STK3: variants seen among roughly 807,000 people sequenced by gnomAD.
The protein encoded by STK3 is serine/threonine kinase 3.
In STK3, 41 loss-of-function variants were observed where a neutral mutation model predicts 58.0. That is an observed-to-expected ratio of 0.71 (90% CI 0.55 to 0.92). The LOEUF (loss-of-function observed/expected upper bound fraction) is 0.92. Ranked by LOEUF, STK3 falls within the 40% of genes least tolerant of loss-of-function variation. The pLI is 0.00. For synonymous variants in STK3, 170 were observed against 191.0 expected, an observed-to-expected ratio of 0.89 and a Z score of 0.91; for missense variants, 479 against 602.7, an observed-to-expected ratio of 0.79 and a Z score of 2.15.
At chr8:98,423,200 T>C (rs1045140512) in intron 3 of STK3, among the ~76,000 whole-genome samples, 1 of 152,212 alleles carries the variant, frequency 6.6e-6, no homozygotes, top group African/African-American at 2.4e-5. Context: ...CAATCCTGTA[T>C]TCAATAACTA....
At chr8:98,690,039 A>G (rs1477199776) in intron 6 of STK3, among the ~76,000 whole-genome samples, 12 of 152,260 alleles carry the variant, frequency 7.9e-5, no homozygotes, top group Non-Finnish European at 8.8e-5. Flanking sequence ...TCAAAGGAAC[A>G]TACCTTAACA....
At chr8:98,370,088 ATT>A (rs5893462), downstream of STK3, among the ~76,000 whole-genome samples, 1,565 of 127,616 alleles carry the variant, frequency 0.012, 15 homozygotes, top group East Asian at 0.021. Context: ...TGGGATTTTG[ATT>A]TTTTTTTTTT....
At chr8:98,597,783 A>T (rs1197463464) in intron 6 of STK3, 4 of 985,192 alleles carry the variant, frequency 4.1e-6, no homozygotes, top group Middle Eastern at 5.2e-4. Context: ...AAAATAGGAT[A>T]CATATCTCAG....
At chr8:98,783,711 G>C (rs1832269083) in intron 1 of STK3, among the ~76,000 whole-genome samples, 1 of 152,136 alleles carries the variant, frequency 6.6e-6, no homozygotes, top group African/African-American at 2.4e-5. Context: ...TTCAAAATTG[G>C]AATCAATCCT....
intron 2 of STK3, among the ~76,000 whole-genome samples, chr8:98,436,060 A>G (rs1818473705): frequency 6.6e-6 from 1 of 151,966 alleles, no homozygotes; most frequent in Non-Finnish European, 1.5e-5. Context: ...GTGCTTTCCT[A>G]ATAGCCAAAT....
At chr8:98,868,909 C>G (rs989032852) in intron 3 of STK3, among the ~76,000 whole-genome samples, 1 of 150,648 alleles carries the variant, frequency 6.6e-6, no homozygotes, top group East Asian at 2.0e-4. Context: ...CCTGGGAGGT[C>G]AAGCCTGTAG....
chr8:98,901,270 T>G (rs1366850458), intron 1 of STK3, among the ~76,000 whole-genome samples: 1 of 152,262 alleles, frequency 6.6e-6, no homozygotes, highest in Non-Finnish European at 1.5e-5. Context: ...TTGTGAAGAT[T>G]AAGTGAGGTA....
intron 10 of STK3, among the ~76,000 whole-genome samples, chr8:98,507,368 C>T (rs28651656): frequency 0.029 from 4,472 of 152,202 alleles, 215 homozygotes; most frequent in African/African-American, 0.098. Flanking sequence ...GGAATTATCC[C>T]GGATCTTTCA....
intron 10 of STK3, among the ~76,000 whole-genome samples, chr8:98,504,373 C>T (rs890168840): frequency 6.6e-6 from 1 of 152,148 alleles, no homozygotes; most frequent in Non-Finnish European, 1.5e-5. Flanking sequence ...TTAATTGGGG[C>T]ATTTAGCCCA....
At chr8:98,353,188 C>T in the STK3 span, among the ~76,000 whole-genome samples, 3 of 152,102 alleles carry the variant, frequency 2.0e-5, no homozygotes, top group East Asian at 3.9e-4. Flanking sequence ...GTATATGAAA[C>T]ATAGGTTGGG....
intron 3 of STK3, among the ~76,000 whole-genome samples, chr8:98,832,509 T>C (rs1329383354): frequency 6.6e-6 from 1 of 151,942 alleles, no homozygotes; most frequent in Non-Finnish European, 1.5e-5. Flanking sequence ...TGCTGGTCAG[T>C]TGTATTGTCA....
At chr8:98,880,995 T>A (rs1837770129), downstream of STK3, 1 of 152,204 alleles carries the variant, frequency 6.6e-6, no homozygotes, top group African/African-American at 2.4e-5. Flanking sequence ...AACTTATGAC[T>A]AACCCAAAAC....
At chr8:98,493,799 T>G (rs1032409021) in intron 10 of STK3, among the ~76,000 whole-genome samples, 3 of 152,194 alleles carry the variant, frequency 2.0e-5, no homozygotes, top group Non-Finnish European at 4.4e-5. Context: ...AATGAATTCA[T>G]CATATTCCAC....
At chr8:98,447,255 AAAG>A (rs1359529447) in intron 1 of STK3, among the ~76,000 whole-genome samples, 4 of 152,118 alleles carry the variant, frequency 2.6e-5, no homozygotes, top group East Asian at 3.8e-4. Context: ...AAGGTTAAAA[AAAG>A]AAGGTGAGAC....
At chr8:98,823,715 T>C (rs539647045) in intron 1 of STK3, among the ~76,000 whole-genome samples, 1 of 152,364 alleles carries the variant, frequency 6.6e-6, no homozygotes, top group South Asian at 2.1e-4. Flanking sequence ...TTTTGTTTTT[T>C]TGAGACAGGG....
At chr8:98,804,461 G>C (rs1359902344) in intron 1 of STK3, among the ~76,000 whole-genome samples, 1 of 152,174 alleles carries the variant, frequency 6.6e-6, no homozygotes, top group East Asian at 1.9e-4. Flanking sequence ...CCCTGTCCCA[G>C]ATACAATATA....
At position 98,730,411 on chromosome 8, in the gene STK3, G is replaced by A. The variant is rs558611250; in HGVS notation, c.351+18865C>T. 2.6e-5 allele frequency among the ~76,000 whole-genome samples: 4 copies of A among 152,178 alleles called. No homozygotes were observed. In the South Asian group the frequency reaches 8.3e-4, roughly 32 times the overall value. ...ATGTCTCTTATATATCAAACTGAAT[G>A]TTTATACAACTTTTAAGACATAAAG... is the stretch of plus-strand genomic sequence containing the variant. On this transcript the variant is annotated intron_variant, in intron 4 of 10. Coordinates refer to ENST00000419617, the MANE Select transcript of STK3 (RefSeq NM_006281.4).
chr8:98,860,928 T>C (rs886881721), intron 3 of STK3, among the ~76,000 whole-genome samples: 2 of 152,038 alleles, frequency 1.3e-5, no homozygotes, highest in Non-Finnish European at 2.9e-5. Flanking sequence ...GGTGTGGTGG[T>C]GCATGCTTGT....
At chr8:98,740,262 C>T (rs1274257106) in intron 4 of STK3, among the ~76,000 whole-genome samples, 6 of 151,848 alleles carry the variant, frequency 4.0e-5, no homozygotes, top group Admixed American at 6.6e-5. Flanking sequence ...AGATACTCCT[C>T]GAGAAGAGCA....
Sources: allele counts gnomAD v4.1 joint callset (sites outside exome capture counted in the v4.1 genomes callset), GRCh38; gene constraint gnomAD v4.1.1; transcripts MANE v1.5; gene names NCBI Gene and HGNC (gene_info 2026-07-23, HGNC 2026-07-21).